HHAT: variants seen among roughly 807,000 people sequenced by gnomAD.
The protein encoded by HHAT is protein-cysteine N-palmitoyltransferase HHAT.
A neutral mutation model predicts 70.8 loss-of-function variants in HHAT; 47 were observed. That is an observed-to-expected ratio of 0.66 (90% confidence interval 0.53 to 0.85). The LOEUF is 0.85. Among genes scored for constraint, HHAT ranks in the 40% least tolerant of loss-of-function variants. HHAT has a pLI of 0.00. For missense variants in HHAT, 609 were observed against 604.8 expected (o/e 1.01, Z -0.07); for synonymous variants, 228 against 247.6 (o/e 0.92, Z 0.74).
At chr1:210,638,580 AT>A (rs1183702244) in intron 11 of HHAT, among the ~76,000 whole-genome samples, 1 of 152,148 alleles carries the variant, frequency 6.6e-6, no homozygotes, top group Non-Finnish European at 1.5e-5. Flanking sequence ...ATAATGAAAT[AT>A]TCTAAAATTG....
chr1:210,645,692 G>T (rs1417344758), intron 11 of HHAT, among the ~76,000 whole-genome samples: 2 of 152,118 alleles, frequency 1.3e-5, no homozygotes, highest in Non-Finnish European at 2.9e-5. Context: ...GTGTTGCTGT[G>T]GGTCTGCTTT....
At chr1:210,559,484 G>C (rs1176257320) in intron 9 of HHAT, among the ~76,000 whole-genome samples, 1 of 152,196 alleles carries the variant, frequency 6.6e-6, no homozygotes. Context: ...TTATTATTCA[G>C]CACCCCTTAT....
intron 9 of HHAT, among the ~76,000 whole-genome samples, chr1:210,553,244 T>C (rs1163492271): frequency 6.6e-6 from 1 of 152,202 alleles, no homozygotes; most frequent in Non-Finnish European, 1.5e-5. Context: ...CCTGTGATAG[T>C]GGACCCCAAG....
intron 8 of HHAT, among the ~76,000 whole-genome samples, chr1:210,504,792 C>T (rs539378841): frequency 4.7e-4 from 71 of 152,172 alleles, no homozygotes; most frequent in Non-Finnish European, 8.4e-4. Context: ...TCTATCAGAC[C>T]TTGGTATTTC....
At chr1:210,391,739 C>G (rs1478844020) in intron 4 of HHAT, among the ~76,000 whole-genome samples, 1 of 152,156 alleles carries the variant, frequency 6.6e-6, no homozygotes, top group Non-Finnish European at 1.5e-5. Context: ...CAAAAATCCC[C>G]TGATATCAGT....
chr1:210,606,194 CT>C (rs1224884358), intron 10 of HHAT, among the ~76,000 whole-genome samples: 1 of 152,112 alleles, frequency 6.6e-6, no homozygotes, highest in East Asian at 1.9e-4. Flanking sequence ...CTATTAACTG[CT>C]TTCTTTATGA....
At chr1:210,417,422 A>G (rs758197794) in intron 6 of HHAT, among the ~76,000 whole-genome samples, 10 of 152,064 alleles carry the variant, frequency 6.6e-5, no homozygotes, top group Non-Finnish European at 1.0e-4. Context: ...TTTAGTAGAG[A>G]TGGGGTTTCA....
At chr1:210,661,991 A>C (rs904606958) in intron 11 of HHAT, among the ~76,000 whole-genome samples, 35 of 133,470 alleles carry the variant, frequency 2.6e-4, no homozygotes, top group Admixed American at 2.2e-3. Context: ...AATTTAAAAA[A>C]ATTTAAAAAA....
chr1:210,464,606 G>T lies in HHAT; in HGVS notation c.958G>T (p.Ala320Ser), dbSNP rs143700139. The change falls in exon 8 of 12, where the codon GCC (alanine) becomes TCC (serine). Residue 320 changes from alanine (A) to serine (S), a missense_variant. Ala to Ser is a moderately conservative substitution (Grantham distance 99). Coordinates refer to ENST00000261458, the MANE Select transcript of HHAT (RefSeq NM_018194.6). ...LMRLDGLTPP[A>S]LPRCVSTMFS... ...GCGCCTGGATGGACTCACTCCACCC[G>T]CCCTCCCCCGCTGCGTGAGCACCAT... 11 of 1,613,946 alleles carry T rather than the reference G, an allele frequency of 6.8e-6. No individual in the cohort carries two copies. Among genetic ancestry groups the T allele is most frequent in the Non-Finnish European group, 9.3e-6 (11 of 1,179,944 alleles).
chr1:210,524,182 G>A (rs970810623), intron 9 of HHAT, among the ~76,000 whole-genome samples: 2 of 152,230 alleles, frequency 1.3e-5, no homozygotes, highest in Non-Finnish European at 2.9e-5. Flanking sequence ...TGTGCCTGTA[G>A]TTATCAGTAC....
chr1:210,388,752 G>GT (rs943734082), intron 4 of HHAT, among the ~76,000 whole-genome samples: 12 of 150,952 alleles, frequency 7.9e-5, no homozygotes, highest in South Asian at 2.1e-4. Flanking sequence ...TTTCTGTTTA[G>GT]TTTTTTTTTC....
At chr1:210,419,640 C>G (rs1301428409) in intron 7 of HHAT, among the ~76,000 whole-genome samples, 4 of 152,176 alleles carry the variant, frequency 2.6e-5, no homozygotes, top group African/African-American at 9.7e-5. Context: ...TTAAACAAAT[C>G]TTGATTGTTC....
chr1:210,551,779 C>A (rs1377469950), intron 9 of HHAT, among the ~76,000 whole-genome samples: 1 of 152,212 alleles, frequency 6.6e-6, no homozygotes. Flanking sequence ...TTTACAGAAG[C>A]TTTTGCCTTT....
chr1:210,600,647 G>A (rs140365675), intron 10 of HHAT, among the ~76,000 whole-genome samples: 362 of 152,250 alleles, frequency 2.4e-3, no homozygotes, highest in East Asian at 4.5e-3. Context: ...CTGGGTGGAC[G>A]TAGAGGAGTT....
chr1:210,473,631 G>C (rs2094248651), intron 8 of HHAT, among the ~76,000 whole-genome samples: 1 of 152,152 alleles, frequency 6.6e-6, no homozygotes, highest in African/African-American at 2.4e-5. Context: ...CCTGATGGAG[G>C]AAGGAAGTGG....
At position 210,588,094 on chromosome 1, in the gene HHAT, A is replaced by C. The variant is rs572645178; in HGVS notation, c.1240A>C (p.Ser414Arg). The change falls in exon 10 of 12, where the codon AGT becomes CGT. Residue 414 changes from serine (S) to arginine (R), a missense_variant. Ser to Arg is a moderately radical substitution (Grantham distance 110). Transcript: ENST00000261458. ...RLVETPCIQDSLARYFSPQAR... is the reference protein window; with the variant it reads ...RLVETPCIQDRLARYFSPQAR... ...GGTGGAGACTCCCTGCATCCAGGAC[A>C]GTCTGGTGAGCAGGATCCTTGCTGC... 2 of 1,601,646 alleles carry C rather than the reference A, an allele frequency of 1.2e-6. No homozygotes were observed. Among genetic ancestry groups the C allele is most frequent in the South Asian group, 2.2e-5 (2 of 89,728 alleles).
intron 11 of HHAT, among the ~76,000 whole-genome samples, chr1:210,667,647 T>TA (rs769879522): frequency 6.6e-6 from 1 of 152,134 alleles, no homozygotes. Flanking sequence ...AATCAAGATA[T>TA]AAAACATCAT....
At chr1:210,579,547 T>G (rs1039174223) in intron 9 of HHAT, among the ~76,000 whole-genome samples, 1 of 152,188 alleles carries the variant, frequency 6.6e-6, no homozygotes, top group Non-Finnish European at 1.5e-5. Flanking sequence ...TCTTTATATA[T>G]TGTCTCATCT....
At position 210,523,243 on chromosome 1, in the gene HHAT, C is replaced by T. The variant is rs144813613; in HGVS notation, c.1043+10055C>T. Among the ~76,000 whole-genome samples the T allele has an allele frequency of 7.2e-3, 1,102 of 152,290 alleles. 55 individuals carry two copies. The highest frequency in any genetic ancestry group is 0.066 in the Admixed American group (1,005 of 15,300). On this transcript the variant is annotated intron_variant, in intron 9 of 11. Coordinates refer to ENST00000261458, the MANE Select transcript of HHAT (RefSeq NM_018194.6). ...TCTCACCATTATTCCCCTTGTGCCA[C>T]TGCCACTTGGGACCAAATGCTGTTT...
Sources: gnomAD v4.1 joint callset for allele counts (sites outside exome capture counted in the v4.1 genomes callset) on GRCh38, gnomAD v4.1.1 for gene constraint, MANE v1.5 for transcripts, NCBI Gene and HGNC (gene_info 2026-07-23, HGNC 2026-07-21) for gene names.